HGF: variants seen among roughly 807,000 people sequenced by gnomAD.
HGF encodes fibroblast-derived tumor cytotoxic factor.
Under a neutral mutation model 111.6 loss-of-function variants are expected in HGF, and 39 were observed. The ratio of observed to expected loss-of-function variants is 0.35; its 90% confidence interval spans 0.27 to 0.46. The LOEUF is 0.46. Ranked by LOEUF, HGF falls within the 20% of genes least tolerant of loss-of-function variation. The probability of loss-of-function intolerance (pLI) is 1.00; values close to 1 mark genes in which losing one functional copy is unlikely to be tolerated. For synonymous variants in HGF, 285 were observed against 294.8 expected, an observed-to-expected ratio of 0.97 and a Z score of 0.34; for missense variants, 735 against 910.5, an observed-to-expected ratio of 0.81 and a Z score of 2.48.
At chr7:81,714,564 G>C (rs965679201) in intron 11 of HGF, among the ~76,000 whole-genome samples, 1 of 151,940 alleles carries the variant, frequency 6.6e-6, no homozygotes, top group South Asian at 2.1e-4. Context: ...TAACCACTAC[G>C]CTCTTGGTAG....
At chr7:81,734,090 T>A (rs1787750238) in intron 7 of HGF, among the ~76,000 whole-genome samples, 1 of 152,018 alleles carries the variant, frequency 6.6e-6, no homozygotes, top group Non-Finnish European at 1.5e-5. Context: ...ACAGAAACAT[T>A]CCCAAATATC....
chr7:81,733,370 AAAT>A (rs1787726440), intron 7 of HGF, among the ~76,000 whole-genome samples: 1 of 151,950 alleles, frequency 6.6e-6, no homozygotes, highest in South Asian at 2.1e-4. Flanking sequence ...TAAAGAATCT[AAAT>A]AATAACATTA....
At chr7:81,725,397 T>C (rs1472301667) in intron 9 of HGF, among the ~76,000 whole-genome samples, 5 of 152,214 alleles carry the variant, frequency 3.3e-5, no homozygotes, top group African/African-American at 4.8e-5. Flanking sequence ...CTTACACATA[T>C]ATGTGCATGG....
chr7:81,745,263 A>G, intron 5 of HGF, 143 bp from the exon 6 acceptor site: 4 of 780,500 alleles, frequency 5.1e-6, no homozygotes, highest in Non-Finnish European at 8.6e-6. Flanking sequence ...ATTAGGGCCT[A>G]ATGTCTATAA....
At chr7:81,722,457 G>A (rs779967185) in intron 9 of HGF, among the ~76,000 whole-genome samples, 9 of 151,680 alleles carry the variant, frequency 5.9e-5, no homozygotes, top group South Asian at 2.1e-4. Flanking sequence ...GAGCCACTGC[G>A]CCCGGCCATA....
chr7:81,719,220 C>T (rs1032154070), intron 10 of HGF, among the ~76,000 whole-genome samples: 7 of 152,208 alleles, frequency 4.6e-5, no homozygotes, highest in African/African-American at 1.7e-4. Context: ...TCATCATGTA[C>T]ATCCCAGCTA....
chr7:81,737,541 C>T (rs556300033), intron 7 of HGF, among the ~76,000 whole-genome samples: 1 of 152,032 alleles, frequency 6.6e-6, no homozygotes, highest in South Asian at 2.1e-4. Flanking sequence ...TTCTTTACAC[C>T]ATGAAACTTT....
intron 5 of HGF, among the ~76,000 whole-genome samples, chr7:81,745,475 C>T (rs1788202196): frequency 6.6e-6 from 1 of 152,194 alleles, no homozygotes; most frequent in Non-Finnish European, 1.5e-5. Context: ...GCAAAGATCT[C>T]AGTATCTATT....
rs200277139 is a variant in HGF at position 81,729,799 on chromosome 7, AC to A, written c.866-21del. The A allele has an allele frequency of 9.3e-6, 14 of 1,505,860 alleles. No homozygotes were observed. The highest frequency in any genetic ancestry group is 2.5e-5 in the African/African-American group (1 of 39,244). 93.3% of individuals were successfully genotyped at this position (1,505,860 alleles called of 1,614,324 possible). ...TGTCAGCTATTGGCAAAAAACAACA[AC>A]AAAAAAAAACTTATATAAAATCTTT... On this transcript the variant is annotated intron_variant, in intron 7 of 17. Transcript: ENST00000222390.
intron 14 of HGF, among the ~76,000 whole-genome samples, chr7:81,706,973 A>G (rs1789444077): frequency 6.7e-6 from 1 of 148,310 alleles, no homozygotes; most frequent in Non-Finnish European, 1.5e-5. Context: ...TTGACAATTT[A>G]GAAAAAAAAA....
chr7:81,745,250 T>C, intron 5 of HGF, 130 bp from the exon 6 acceptor site: 1 of 870,658 alleles, frequency 1.1e-6, no homozygotes, highest in Non-Finnish European at 1.9e-6. Context: ...ATTCTAACTT[T>C]TTATTAGGGC....
chr7:81,741,583 CTGTG>C (rs78641495), intron 7 of HGF, among the ~76,000 whole-genome samples: 2,664 of 140,616 alleles, frequency 0.019, 25 homozygotes, highest in African/African-American at 0.029. Flanking sequence ...GTGTGTGTGT[CTGTG>C]TGTGTGTGTG....
intron 9 of HGF, among the ~76,000 whole-genome samples, chr7:81,723,493 T>G (rs1789927426): frequency 6.6e-6 from 1 of 151,822 alleles, no homozygotes; most frequent in South Asian, 2.1e-4. Flanking sequence ...ATTTTAAGAC[T>G]GAAATAACTG....
chr7:81,763,390 T>C (rs1358427851), intron 1 of HGF, among the ~76,000 whole-genome samples: 2 of 152,206 alleles, frequency 1.3e-5, no homozygotes, highest in African/African-American at 4.8e-5. Flanking sequence ...ATTCATATTT[T>C]AGCCCCTCTC....
chr7:81,758,903 T>G, intron 2 of HGF, 99 bp from the exon 3 acceptor site: 1 of 751,302 alleles, frequency 1.3e-6, no homozygotes, highest in Non-Finnish European at 2.3e-6. Context: ...ATATGGACAA[T>G]ATAGAAACAA....
At chr7:81,729,442 G>T (rs1213430790) in intron 8 of HGF, among the ~76,000 whole-genome samples, 163 bp downstream of exon 8, 1 of 152,080 alleles carries the variant, frequency 6.6e-6, no homozygotes, top group East Asian at 1.9e-4. Flanking sequence ...CAGATTAAGA[G>T]AATCAAAATC....
rs1430232005 is a variant in HGF at position 81,706,283 on chromosome 7, T to C, written c.1757+4A>G. On this transcript the variant is annotated splice_donor_region_variant and intron_variant, in intron 15 of 17. Transcript: ENST00000222390. Reference sequence around the variant, plus strand: ...AAAATACAAAATCTTCTAAAGTAACTAACCTGGCAAGCTTCATTAAAACCA... The same window carrying C: ...AAAATACAAAATCTTCTAAAGTAACCAACCTGGCAAGCTTCATTAAAACCA... 6.2e-7 allele frequency: 1 copy of C among 1,612,240 alleles called. No individual in the cohort carries two copies. The highest frequency in any genetic ancestry group is 8.5e-7 in the Non-Finnish European group (1 of 1,178,788).
intron 5 of HGF, among the ~76,000 whole-genome samples, chr7:81,745,832 G>T (rs548094857): frequency 7.2e-5 from 11 of 152,146 alleles, no homozygotes; most frequent in Non-Finnish European, 1.3e-4. Flanking sequence ...TCTTACTGAT[G>T]ATTTTGTGAG....
intron 9 of HGF, among the ~76,000 whole-genome samples, chr7:81,723,678 T>TTA (rs934473770): frequency 4.6e-5 from 7 of 150,878 alleles, no homozygotes; most frequent in South Asian, 2.1e-4. Flanking sequence ...GGAAGAATAT[T>TTA]TATATATATA....
Sources: gnomAD v4.1 joint callset for allele counts (sites outside exome capture counted in the v4.1 genomes callset) on GRCh38, gnomAD v4.1.1 for gene constraint, MANE v1.5 for transcripts, NCBI Gene and HGNC (gene_info 2026-07-23, HGNC 2026-07-21) for gene names.